Variants in NUDT5 observed in about 807,000 individuals in gnomAD.
NUDT5 encodes the protein ADP-sugar pyrophosphatase.
NUDT5 carries 21 observed loss-of-function variants against 34.1 expected under a neutral mutation model. The ratio of observed to expected loss-of-function variants is 0.62; its 90% CI spans 0.44 to 0.89. The LOEUF is 0.89. NUDT5 is among the 40% of genes least tolerant of loss of function. NUDT5 has a pLI of 0.00. For synonymous variants in NUDT5, 85 were observed against 97.6 expected (o/e 0.87, Z 0.76); for missense variants, 249 against 274.8 (o/e 0.91, Z 0.66).
rs11257575 is a variant in NUDT5 at position 12,168,512 on chromosome 10, G to C, written c.551-701C>G. 0.069 allele frequency among the ~76,000 whole-genome samples: 10,451 copies of C among 152,186 alleles called. 812 individuals carry two copies. Among genetic ancestry groups the C allele is most frequent in the African/African-American group, 0.18 (7,625 of 41,476 alleles). ...GTTCCCCCGGCAAGTTAAACTGTGT[G>C]CATGTTAGGACTGGAGATCTACTAC... On this transcript the variant is annotated intron_variant, in intron 9 of 9. Transcript: ENST00000491614. The surrounding 1 kb of genome is among the most constrained non-coding windows in gnomAD (Gnocchi z 4.8).
At chr10:12,174,655 C>T (rs781161753) in intron 5 of NUDT5, among the ~76,000 whole-genome samples, 6 of 152,220 alleles carry the variant, frequency 3.9e-5, no homozygotes, top group Non-Finnish European at 7.3e-5. Flanking sequence ...ATCATCCAGT[C>T]GTCCTATTCA....
chr10:12,165,739 G>C lies in NUDT5; in HGVS notation c.*1963C>G, dbSNP rs541881762. On this transcript the variant is annotated 3_prime_UTR_variant, in exon 10 of 10. Coordinates refer to ENST00000491614, the MANE Select transcript of NUDT5 (RefSeq NM_014142.4). ...TTCAGAAGTATGGGTTTTCATTGCT[G>C]TTTAGTTTCTTAGGTGTGGTATGTC... is the stretch of plus-strand genomic sequence containing the variant. 6.6e-6 allele frequency: 1 copy of C among 152,152 alleles called. No individual in the cohort carries two copies. The highest frequency in any genetic ancestry group is 2.1e-4 in the South Asian group (1 of 4,830). 9.4% of individuals were successfully genotyped at this position (152,152 alleles called of 1,614,324 possible). A position where few individuals can be genotyped will look rare whatever the true frequency, so the allele number is the denominator to read the frequency against.
chr10:12,191,368 G>T (rs1398438528), intron 1 of NUDT5, among the ~76,000 whole-genome samples: 1 of 151,970 alleles, frequency 6.6e-6, no homozygotes, highest in South Asian at 2.1e-4. Context: ...AGGCGACAGA[G>T]CAAGACTCCG....
intron 1 of NUDT5, among the ~76,000 whole-genome samples, chr10:12,194,437 C>T (rs1361312498): frequency 6.6e-6 from 1 of 152,230 alleles, no homozygotes; most frequent in Non-Finnish European, 1.5e-5. Flanking sequence ...AATATTGCTT[C>T]TTTCCCTCAA....
At chr10:12,179,382 C>G (rs1331453912) in intron 3 of NUDT5, among the ~76,000 whole-genome samples, 2 of 152,186 alleles carry the variant, frequency 1.3e-5, no homozygotes, top group Non-Finnish European at 2.9e-5. Flanking sequence ...AAACAGAAAG[C>G]CTGCTAAGCA....
chr10:12,180,834 C>A lies in NUDT5; in HGVS notation c.132-1702G>T, dbSNP rs143441977. Among the ~76,000 whole-genome samples, 229 of 152,336 alleles carry A rather than the reference C, an allele frequency of 1.5e-3. 1 individual carries two copies. The highest frequency in any genetic ancestry group is 5.3e-3 in the African/African-American group (221 of 41,582). On this transcript the variant is annotated intron_variant, in intron 3 of 9. Coordinates refer to ENST00000491614, the MANE Select transcript of NUDT5 (RefSeq NM_014142.4). ...CCAGTGAGATCATCCTATTCCTAGT[C>A]TTCTTTGTTATGGAAAAGCCTGTTG...
rs60807905 is a variant in NUDT5, at chr10:12,182,133, T to TAA, written c.131+2754_131+2755dup. On this transcript the variant is annotated intron_variant, in intron 3 of 9. Transcript: ENST00000491614. This position sits in a 1 kb window ranked among gnomAD's most constrained non-coding sequence, Gnocchi z 4.3. ...AACAGAACAAGACTCTGTCTCAGGGTAAAAAAAAAAAAAAAGAAGGATATA... is the reference window on the plus strand; with the variant it reads ...AACAGAACAAGACTCTGTCTCAGGGTAAAAAAAAAAAAAAAAAGAAGGATATA... 0.011 allele frequency among the ~76,000 whole-genome samples: 1,377 copies of TAA among 126,462 alleles called. 13 individuals carry two copies. The highest frequency in any genetic ancestry group is 0.041 in the African/African-American group (1,234 of 30,274). 83.0% of individuals were successfully genotyped at this position (126,462 alleles called of 152,430 possible).
chr10:12,192,303 C>CAA (rs66550394), intron 1 of NUDT5, among the ~76,000 whole-genome samples: 1 of 135,182 alleles, frequency 7.4e-6, no homozygotes, highest in Non-Finnish European at 1.6e-5. Flanking sequence ...ACTCTGTCTC[C>CAA]AAAAAAAAAA....
At chr10:12,193,782 T>C (rs1835277928) in intron 1 of NUDT5, among the ~76,000 whole-genome samples, 2 of 152,166 alleles carry the variant, frequency 1.3e-5, no homozygotes, top group African/African-American at 4.8e-5. Flanking sequence ...GTAGTATCTA[T>C]ATATTTAAGC....
chr10:12,175,576 AG>A lies in NUDT5; in HGVS notation c.290-1764del, dbSNP rs1159713281. The stretch of plus-strand genomic sequence containing the variant: ...AGGATCACTTGAGCCCAGAAGGTCA[AG>A]GCTGCAGTGAGCTGTGATTGTGCCA... On this transcript the variant is annotated intron_variant, in intron 5 of 9. Transcript: ENST00000491614. The surrounding 1 kb of genome is among the most constrained non-coding windows in gnomAD (Gnocchi z 4.8). Among the ~76,000 whole-genome samples, 4 of 152,278 alleles carry A rather than the reference AG, an allele frequency of 2.6e-5. No individual in the cohort carries two copies. Among genetic ancestry groups the A allele is most frequent in the African/African-American group, 9.6e-5 (4 of 41,574 alleles).
intron 1 of NUDT5, among the ~76,000 whole-genome samples, chr10:12,189,303 G>A (rs1335532736): frequency 1.3e-5 from 2 of 152,048 alleles, no homozygotes; most frequent in African/African-American, 4.8e-5. Flanking sequence ...ATGGGGTTTT[G>A]CCATGTTGGG....
chr10:12,174,086 T>C (rs1343138153), intron 5 of NUDT5, among the ~76,000 whole-genome samples: 2 of 152,068 alleles, frequency 1.3e-5, no homozygotes, highest in East Asian at 3.9e-4. Flanking sequence ...CAGGCTGGTC[T>C]TGAATTCTTG....
rs528417463 is a variant in NUDT5, at chr10:12,170,322, T to A, written c.550+395A>T. ...AGCATCATCAATTTCTCCTTGAACATACAGCCTCCACAAAGGACCATCCCT... is the reference window on the plus strand; with the variant it reads ...AGCATCATCAATTTCTCCTTGAACAAACAGCCTCCACAAAGGACCATCCCT... On this transcript the variant is annotated intron_variant, in intron 9 of 9. Transcript: ENST00000491614. This position sits in a 1 kb window ranked among gnomAD's most constrained non-coding sequence, Gnocchi z 4.9. The A allele has an allele frequency of 1.5e-5, 14 of 903,900 alleles. No homozygotes were observed. The African/African-American group carries it at 2.0e-4, about 13-fold the overall frequency. 56.0% of individuals were successfully genotyped at this position (903,900 alleles called of 1,614,324 possible).
chr10:12,188,065 G>C (rs1291239613), intron 1 of NUDT5, among the ~76,000 whole-genome samples: 3 of 150,602 alleles, frequency 2.0e-5, no homozygotes, highest in Admixed American at 6.6e-5. Context: ...TTTGGACCCA[G>C]GAGTTGGGGG....
rs1255040905 is a variant in NUDT5, at chr10:12,170,027, G to A, written c.550+690C>T. On this transcript the variant is annotated intron_variant, in intron 9 of 9. Coordinates refer to ENST00000491614, the MANE Select transcript of NUDT5 (RefSeq NM_014142.4). The surrounding 1 kb of genome is among the most constrained non-coding windows in gnomAD (Gnocchi z 4.9). Reference sequence around the variant, plus strand: ...CCCATACAGAGGTGCTCCTTGAAGGGCCCATGGTATGTCTCCATACAGTAT... The same window carrying A: ...CCCATACAGAGGTGCTCCTTGAAGGACCCATGGTATGTCTCCATACAGTAT... 7.5e-7 allele frequency: 1 copy of A among 1,334,744 alleles called. No individual in the cohort carries two copies. Among genetic ancestry groups the A allele is most frequent in the Non-Finnish European group, 1.1e-6 (1 of 934,086 alleles). 82.7% of individuals were successfully genotyped at this position (1,334,744 alleles called of 1,614,324 possible).
At chr10:12,184,673 AAT>A (rs1202607855) in intron 3 of NUDT5, 4 of 795,324 alleles carry the variant, frequency 5.0e-6, no homozygotes, top group Non-Finnish European at 7.7e-6. Context: ...ATGGTATTAA[AAT>A]AGTTTTCTGA....
At chr10:12,177,237 C>T (rs763084730) in intron 5 of NUDT5, among the ~76,000 whole-genome samples, 25 of 151,914 alleles carry the variant, frequency 1.6e-4, no homozygotes, top group Non-Finnish European at 2.9e-4. Context: ...AGGCTGGAGA[C>T]GGCAGGGTGC....
Position 12,171,822 on chromosome 10 carries a change from T to A in NUDT5, c.488-914A>T, listed in dbSNP as rs1253848536. On this transcript the variant is annotated intron_variant, in intron 7 of 9. Transcript: ENST00000491614. This position sits in a 1 kb window ranked among gnomAD's most constrained non-coding sequence, Gnocchi z 4.2. ...TCACTGCAACCTCCGCCTCCTGGGT[T>A]CAAGTGATTCTTGTGTCTCAGCTTC... 6.6e-6 allele frequency among the ~76,000 whole-genome samples: 1 copy of A among 151,864 alleles called. No individual in the cohort carries two copies. Among genetic ancestry groups the A allele is most frequent in the Non-Finnish European group, 1.5e-5 (1 of 68,002 alleles).
Position 12,183,598 on chromosome 10 carries a change from A to T in NUDT5, c.131+1291T>A, listed in dbSNP as rs560205706. 9.2e-5 allele frequency among the ~76,000 whole-genome samples: 14 copies of T among 152,338 alleles called. No homozygotes were observed. The East Asian group carries it at 2.7e-3, about 29-fold the overall frequency. On this transcript the variant is annotated intron_variant, in intron 3 of 9. Transcript: ENST00000491614. ...TCACGTGATCTGGTTACTAAATTTCATCCTCATTCTGTTGTACTCCATTTA... is the reference window on the plus strand; with the variant it reads ...TCACGTGATCTGGTTACTAAATTTCTTCCTCATTCTGTTGTACTCCATTTA...
Sources: allele counts gnomAD v4.1 joint callset (sites outside exome capture counted in the v4.1 genomes callset), GRCh38; gene constraint gnomAD v4.1.1; non-coding constraint Gnocchi (gnomAD v3.1); transcripts MANE v1.5; gene names NCBI Gene and HGNC (gene_info 2026-07-23, HGNC 2026-07-21).